PTPRG: variants seen among roughly 807,000 people sequenced by gnomAD.
The protein encoded by PTPRG is receptor-type tyrosine-protein phosphatase gamma.
A neutral mutation model predicts 165.3 loss-of-function variants in PTPRG; 102 were observed. The ratio of observed to expected loss-of-function variants is 0.62; its 90% CI spans 0.53 to 0.73. The LOEUF (loss-of-function observed/expected upper bound fraction) is 0.73. Ranked by LOEUF, PTPRG falls within the 30% of genes least tolerant of loss-of-function variation. PTPRG has a pLI of 0.00. For missense variants in PTPRG, 1,866 were observed against 1,861.4 expected (o/e 1.00, Z -0.05); for synonymous variants, 675 against 669.5 (o/e 1.01, Z -0.13).
chr3:61,601,044 C>T (rs925747026), intron 1 of PTPRG, among the ~76,000 whole-genome samples: 4 of 152,124 alleles, frequency 2.6e-5, no homozygotes, highest in African/African-American at 7.2e-5. Flanking sequence ...CACTTGAGGT[C>T]GGGAGTTCGA....
At position 62,169,267 on chromosome 3, in the gene PTPRG, T is replaced by A. The variant is rs559062993; in HGVS notation, c.1033+1104T>A. ...CTAGCCAGTATTTCCCTGTCTCCTG[T>A]CCATATCATCAGGACCTTTGAATTG... On this transcript the variant is annotated intron_variant, in intron 8 of 29. Transcript: ENST00000474889. Among the ~76,000 whole-genome samples, 4 of 152,250 alleles carry A rather than the reference T, an allele frequency of 2.6e-5. No individual in the cohort carries two copies. In the East Asian group the frequency reaches 7.7e-4, roughly 29 times the overall value.
intron 2 of PTPRG, among the ~76,000 whole-genome samples, chr3:61,929,984 T>C (rs1234488686): frequency 6.6e-6 from 1 of 152,164 alleles, no homozygotes; most frequent in Non-Finnish European, 1.5e-5. Context: ...TGCTCTTTCT[T>C]GCCCTGGATA....
intron 1 of PTPRG, among the ~76,000 whole-genome samples, chr3:61,723,462 T>G (rs1276334193): frequency 6.6e-6 from 1 of 152,184 alleles, no homozygotes; most frequent in East Asian, 1.9e-4. Context: ...CATGGTTTCA[T>G]TGTCTTTAAA....
At chr3:61,903,582 C>A (rs941837082) in intron 2 of PTPRG, among the ~76,000 whole-genome samples, 5 of 152,124 alleles carry the variant, frequency 3.3e-5, no homozygotes, top group Non-Finnish European at 5.9e-5. Flanking sequence ...CCATGTTGGC[C>A]AGGCTGGTCT....
chr3:62,198,716 G>A (rs1444917778), intron 10 of PTPRG, among the ~76,000 whole-genome samples: 1 of 152,192 alleles, frequency 6.6e-6, no homozygotes, highest in Non-Finnish European at 1.5e-5. Context: ...TGGTCTGTTA[G>A]CTCCAGTGAT....
At chr3:62,171,675 T>C (rs1705220971) in intron 8 of PTPRG, among the ~76,000 whole-genome samples, 1 of 148,856 alleles carries the variant, frequency 6.7e-6, no homozygotes, top group South Asian at 2.1e-4. Context: ...CAGTAGGTCA[T>C]TTTTTTTTTA....
chr3:62,062,901 G>C (rs573056729), intron 4 of PTPRG, among the ~76,000 whole-genome samples: 1 of 151,890 alleles, frequency 6.6e-6, no homozygotes, highest in African/African-American at 2.4e-5. Context: ...CTATCTGCCC[G>C]TCTCAGCCTC....
chr3:61,868,934 T>G (rs1299096931), intron 2 of PTPRG, among the ~76,000 whole-genome samples: 1 of 152,036 alleles, frequency 6.6e-6, no homozygotes, highest in Non-Finnish European at 1.5e-5. Flanking sequence ...TTGGTAGAAT[T>G]GTATGATTTT....
chr3:62,237,833 C>T lies in PTPRG; in HGVS notation c.2376-5974C>T, dbSNP rs922315517. Among the ~76,000 whole-genome samples, 1 of 152,176 alleles carries T rather than the reference C, an allele frequency of 6.6e-6. No individual in the cohort carries two copies. Among genetic ancestry groups the T allele is most frequent in the Non-Finnish European group, 1.5e-5 (1 of 68,040 alleles). ...ACCCAGAAAACTGCTAACCAGATGC[C>T]ATACAGATTTGATCAGCTACTATCA... On this transcript the variant is annotated intron_variant, in intron 14 of 29. Transcript: ENST00000474889. This position sits in a 1 kb window ranked among gnomAD's most constrained non-coding sequence, Gnocchi z 4.5.
At chr3:61,805,934 G>C (rs987683824) in intron 2 of PTPRG, among the ~76,000 whole-genome samples, 6 of 152,032 alleles carry the variant, frequency 3.9e-5, no homozygotes, top group Admixed American at 2.0e-4. Flanking sequence ...TTATGTTGTG[G>C]GCTGTGTTTT....
intron 2 of PTPRG, among the ~76,000 whole-genome samples, chr3:61,764,057 A>T (rs1026736215): frequency 1.3e-5 from 2 of 152,130 alleles, no homozygotes; most frequent in Non-Finnish European, 2.9e-5. Context: ...TGTTCAGAGG[A>T]TATAGGCATT....
At chr3:61,636,324 AC>A (rs1466853392) in intron 1 of PTPRG, among the ~76,000 whole-genome samples, 5 of 152,320 alleles carry the variant, frequency 3.3e-5, no homozygotes, top group African/African-American at 1.2e-4. Context: ...ATTAGCAGTT[AC>A]CTATTTTCGT....
chr3:61,694,942 C>G (rs2030474758), intron 1 of PTPRG, among the ~76,000 whole-genome samples: 1 of 152,122 alleles, frequency 6.6e-6, no homozygotes, highest in Non-Finnish European at 1.5e-5. Context: ...GAACTGTTAC[C>G]AAAAGTAGCT....
intron 4 of PTPRG, among the ~76,000 whole-genome samples, chr3:62,069,260 A>G (rs1044598050): frequency 2.6e-5 from 4 of 152,226 alleles, no homozygotes; most frequent in Admixed American, 1.3e-4. Flanking sequence ...TATTACCTCT[A>G]TTTCACAGAA....
Position 62,271,513 on chromosome 3 carries a change from C to T in PTPRG, c.3140C>T (p.Ala1047Val). ...PVLTFVRRSSAARMPETGPVL... is the reference protein window; with the variant it reads ...PVLTFVRRSSVARMPETGPVL... ...CTGACTTTCGTGAGGAGATCCTCAG[C>T]AGCTCGGATGCCAGAAACGGGCCCT... Residue 1047 changes from alanine (A) to valine (V), a missense_variant, in exon 21 of 30, where the codon GCA becomes GTA. Physicochemically the swap from Ala to Val is moderately conservative, Grantham distance 64. This residue lies in a region of PTPRG where 1,452 missense variants were observed against 1,463.0 expected (regional missense o/e 0.99). Coordinates refer to ENST00000474889, the MANE Select transcript of PTPRG (RefSeq NM_002841.4). This position sits in a 1 kb window ranked among gnomAD's most constrained non-coding sequence, Gnocchi z 4.1. The T allele has an allele frequency of 1.9e-6, 3 of 1,613,846 alleles. No homozygotes were observed. Among genetic ancestry groups the T allele is most frequent in the Non-Finnish European group, 2.5e-6 (3 of 1,179,794 alleles).
At chr3:62,039,098 C>A (rs557523703) in intron 4 of PTPRG, among the ~76,000 whole-genome samples, 2 of 152,226 alleles carry the variant, frequency 1.3e-5, no homozygotes, top group African/African-American at 4.8e-5. Context: ...CCATGCCTGA[C>A]TAATTTTTGT....
At position 61,562,245 on chromosome 3, in the gene PTPRG, G is replaced by A. The variant is rs1699774863; in HGVS notation, c.-43G>A. 4.4e-6 allele frequency: 7 copies of A among 1,575,690 alleles called. No individual in the cohort carries two copies. Among genetic ancestry groups the A allele is most frequent in the Non-Finnish European group, 6.1e-6 (7 of 1,145,280 alleles). ...ACGGAGGCAAGAACTTATTCAACAA[G>A]TTTACCTCCCTGCTTTCCTCTTTTC... is the stretch of plus-strand genomic sequence containing the variant. On this transcript the variant is annotated 5_prime_UTR_variant, in exon 1 of 30. Transcript: ENST00000474889.
chr3:61,699,815 G>T (rs896951469), intron 1 of PTPRG, among the ~76,000 whole-genome samples: 25 of 152,196 alleles, frequency 1.6e-4, no homozygotes, highest in Admixed American at 6.5e-4. Flanking sequence ...GCAGGAAAAT[G>T]CCTGTGATGA....
chr3:61,653,890 G>T (rs539414464), intron 1 of PTPRG, among the ~76,000 whole-genome samples: 1 of 19,394 alleles, frequency 5.2e-5, no homozygotes, highest in African/African-American at 1.5e-4. Flanking sequence ...GTTGTTAAGC[G>T]GGGAGCGGTG....
Sources: allele counts gnomAD v4.1 joint callset (sites outside exome capture counted in the v4.1 genomes callset), GRCh38; gene constraint gnomAD v4.1.1; regional missense constraint gnomAD v4.1.1; non-coding constraint Gnocchi (gnomAD v3.1); transcripts MANE v1.5; gene names NCBI Gene and HGNC (gene_info 2026-07-23, HGNC 2026-07-21).